SGCZ: variants seen among roughly 807,000 people sequenced by gnomAD.
SGCZ encodes the protein zeta-sarcoglycan.
A neutral mutation model predicts 41.3 loss-of-function variants in SGCZ; 40 were observed. That is an observed-to-expected ratio of 0.97 (90% CI 0.75 to 1.26). SGCZ has a LOEUF of 1.26. Ranked by LOEUF, SGCZ falls within the 50% of genes most tolerant of loss-of-function variation. The pLI, the probability that SGCZ is intolerant of heterozygous loss-of-function variation, is 0.00. For missense variants in SGCZ, 552 were observed against 369.8 expected, an observed-to-expected ratio of 1.49 and a Z score of -4.04; for synonymous variants, 206 against 137.5, an observed-to-expected ratio of 1.50 and a Z score of -3.49.
At chr8:14,743,893 G>A (rs939619586) in intron 1 of SGCZ, among the ~76,000 whole-genome samples, 3 of 152,068 alleles carry the variant, frequency 2.0e-5, no homozygotes, top group Admixed American at 6.6e-5. Flanking sequence ...ATTAAATCCC[G>A]TGGAGAATTC....
chr8:14,528,644 A>T (rs1015675452), intron 2 of SGCZ, among the ~76,000 whole-genome samples: 5 of 151,950 alleles, frequency 3.3e-5, no homozygotes, highest in African/African-American at 1.2e-4. Flanking sequence ...CAAACTACAG[A>T]ATCAACTTCC....
At chr8:14,942,367 T>C (rs1485447297) in intron 1 of SGCZ, among the ~76,000 whole-genome samples, 2 of 152,112 alleles carry the variant, frequency 1.3e-5, no homozygotes, top group East Asian at 3.9e-4. Context: ...TCTGAAGAAA[T>C]TAGACTGGTA....
At chr8:14,437,196 T>C (rs1289973176) in intron 2 of SGCZ, among the ~76,000 whole-genome samples, 1 of 152,156 alleles carries the variant, frequency 6.6e-6, no homozygotes, top group African/African-American at 2.4e-5. Flanking sequence ...TACAAAATCA[T>C]GATTATGCAA....
intron 4 of SGCZ, among the ~76,000 whole-genome samples, chr8:14,202,443 C>A (rs1360347778): frequency 6.6e-6 from 1 of 151,796 alleles, no homozygotes; most frequent in East Asian, 1.9e-4. Flanking sequence ...TTGCAGCAGC[C>A]ATAGATAACG....
intron 1 of SGCZ, among the ~76,000 whole-genome samples, chr8:14,791,628 G>T (rs1422459559): frequency 6.6e-6 from 1 of 152,100 alleles, no homozygotes; most frequent in African/African-American, 2.4e-5. Context: ...CAAGCGTACA[G>T]CTCAAGGCAA....
chr8:14,333,593 G>C (rs565713105), intron 2 of SGCZ, among the ~76,000 whole-genome samples: 1 of 152,090 alleles, frequency 6.6e-6, no homozygotes, highest in South Asian at 2.1e-4. Context: ...GATATTCATA[G>C]TACACATTAG....
At chr8:14,627,239 G>A (rs1483601673) in intron 1 of SGCZ, among the ~76,000 whole-genome samples, 1 of 152,116 alleles carries the variant, frequency 6.6e-6, no homozygotes, top group African/African-American at 2.4e-5. Context: ...ACACCACACA[G>A]AACCTTTAGT....
chr8:14,551,482 ATATATATTATATATATT>A (rs1803821503), intron 2 of SGCZ, among the ~76,000 whole-genome samples: 1 of 2,058 alleles, frequency 4.9e-4, no homozygotes, highest in African/African-American at 6.8e-4. Context: ...ATTATATATT[ATATATATTATATATATT>A]ATATATATTA....
chr8:14,297,635 G>T (rs935453834), intron 3 of SGCZ, among the ~76,000 whole-genome samples: 3 of 151,790 alleles, frequency 2.0e-5, no homozygotes, highest in Admixed American at 2.0e-4. Context: ...GTACATAAAT[G>T]AATCAAATTA....
At chr8:15,230,185 T>TAA (rs200066472) in intron 1 of SGCZ, among the ~76,000 whole-genome samples, 20 of 139,368 alleles carry the variant, frequency 1.4e-4, no homozygotes, top group Non-Finnish European at 1.9e-4. Flanking sequence ...GGATACTAGT[T>TAA]AAAAAAAAAA....
intron 2 of SGCZ, among the ~76,000 whole-genome samples, chr8:14,444,826 A>C (rs1222546297): frequency 2.0e-5 from 3 of 152,150 alleles, no homozygotes; most frequent in African/African-American, 7.2e-5. Context: ...AATGAAATAA[A>C]ATAAAATAAA....
chr8:14,342,010 G>C (rs1802728518), intron 2 of SGCZ, among the ~76,000 whole-genome samples: 1 of 152,194 alleles, frequency 6.6e-6, no homozygotes, highest in Non-Finnish European at 1.5e-5. Flanking sequence ...AGTGACTTTG[G>C]AACTGGGTAA....
At chr8:15,023,593 C>A (rs2130946587) in intron 1 of SGCZ, among the ~76,000 whole-genome samples, 1 of 152,274 alleles carries the variant, frequency 6.6e-6, no homozygotes, top group East Asian at 1.9e-4. Flanking sequence ...GCAATTAAAA[C>A]TATTCAGAAA....
At chr8:14,769,489 C>A (rs1205168909) in intron 1 of SGCZ, among the ~76,000 whole-genome samples, 7 of 152,082 alleles carry the variant, frequency 4.6e-5, no homozygotes, top group Non-Finnish European at 5.9e-5. Context: ...AAGGAGTGGT[C>A]TTTTAAAACA....
chr8:14,806,843 G>T (rs1801548109), intron 1 of SGCZ, among the ~76,000 whole-genome samples: 2 of 151,510 alleles, frequency 1.3e-5, no homozygotes, highest in South Asian at 4.2e-4. Context: ...TAAAATACTG[G>T]CAAAACGAAT....
intron 1 of SGCZ, among the ~76,000 whole-genome samples, chr8:14,982,999 A>C (rs555090393): frequency 1.3e-5 from 2 of 152,324 alleles, no homozygotes; most frequent in Non-Finnish European, 2.9e-5. Flanking sequence ...GGCCTGGAGT[A>C]AGTCATTGAA....
intron 1 of SGCZ, among the ~76,000 whole-genome samples, chr8:15,084,535 G>C (rs553457868): frequency 6.6e-6 from 1 of 152,264 alleles, no homozygotes; most frequent in East Asian, 1.9e-4. Flanking sequence ...CGGATAACCT[G>C]AGGTCAAGAG....
intron 1 of SGCZ, among the ~76,000 whole-genome samples, chr8:14,600,632 T>C (rs567991712): frequency 6.6e-6 from 1 of 152,284 alleles, no homozygotes; most frequent in African/African-American, 2.4e-5. Flanking sequence ...CACCCAGGAA[T>C]AAATGCATTT....
chr8:15,211,214 T>C (rs1424156013), intron 1 of SGCZ, among the ~76,000 whole-genome samples: 1 of 151,758 alleles, frequency 6.6e-6, no homozygotes, highest in African/African-American at 2.4e-5. Flanking sequence ...CAGAATATAA[T>C]ACATACTCAC....
Sources: gnomAD v4.1 joint callset for allele counts (sites outside exome capture counted in the v4.1 genomes callset) on GRCh38, gnomAD v4.1.1 for gene constraint, MANE v1.5 for transcripts, NCBI Gene and HGNC (gene_info 2026-07-23, HGNC 2026-07-21) for gene names.